The following RSL1D1 variants were observed in gnomAD, a reference collection of about 807,000 sequenced individuals.
RSL1D1 encodes ribosomal L1 domain containing 1, also known as ribosomal L1 domain-containing protein 1.
A neutral mutation model predicts 44.6 loss-of-function variants in RSL1D1; 34 were observed. The observed-to-expected ratio is 0.76, with a 90% CI of 0.58 to 1.02. RSL1D1 has a LOEUF of 1.02. Ranked by LOEUF, RSL1D1 falls within the 50% of genes least tolerant of loss-of-function variation. RSL1D1 has a pLI of 0.00. For missense variants in RSL1D1, 767 were observed against 568.1 expected (o/e 1.35, Z -3.56); for synonymous variants, 271 against 207.4 (o/e 1.31, Z -2.63).
intron 5 of RSL1D1, among the ~76,000 whole-genome samples, chr16:11,845,497 T>C (rs534269385): frequency 2.0e-5 from 3 of 152,306 alleles, no homozygotes; most frequent in African/African-American, 7.2e-5. Flanking sequence ...TCTCCTTGCT[T>C]TTCTTAGTAT....
chr16:11,843,095 G>C (rs1387355023), intron 5 of RSL1D1, among the ~76,000 whole-genome samples: 1 of 139,952 alleles, frequency 7.1e-6, no homozygotes, highest in African/African-American at 2.7e-5. Flanking sequence ...CTAATTTTTT[G>C]TATTTTTTTT....
Position 11,850,374 on chromosome 16 carries a change from C to T in RSL1D1, c.150G>A (p.Arg50=). The T allele has an allele frequency of 6.2e-7, 1 of 1,601,054 alleles. No homozygotes were observed. ...VDALLTHCKS[R]KNNYGLLLNE... is the part of the protein sequence containing the mutation. ...TCAAAAGCAACCCATAATTGTTTTT[C>T]CTGGACTTGCAATGCGTCAAGAGAG... is the stretch of plus-strand genomic sequence containing the variant. Residue 50 remains arginine (R), a synonymous_variant, in exon 2 of 9, where the codon AGG becomes AGA. Coordinates refer to ENST00000571133, the MANE Select transcript of RSL1D1 (RefSeq NM_015659.3).
intron 5 of RSL1D1, among the ~76,000 whole-genome samples, chr16:11,845,421 C>A (rs993948936): frequency 6.6e-6 from 1 of 152,202 alleles, no homozygotes; most frequent in Non-Finnish European, 1.5e-5. Context: ...CCACTGAGTG[C>A]AGTGGCACGA....
chr16:11,851,358 G>T, intron 1 of RSL1D1, 50 bp downstream of exon 1: 1 of 1,555,690 alleles, frequency 6.4e-7, no homozygotes. Context: ...TGCGCCTCAC[G>T]AGGTAACCGC....
chr16:11,839,863 A>G lies in RSL1D1; in HGVS notation c.978T>C (p.Gly326=). The G allele has an allele frequency of 4.3e-6, 7 of 1,614,068 alleles. No homozygotes were observed. Among genetic ancestry groups the G allele is most frequent in the Non-Finnish European group, 5.9e-6 (7 of 1,180,012 alleles). The change falls in exon 8 of 9, where the codon GGT becomes GGC. Residue 326 remains glycine, a synonymous_variant. Transcript: ENST00000571133. ...LSKDDVAPES[G]DTTVKKPESK... Reference sequence around the variant, plus strand: ...ATTCAGGTTTCTTCACTGTAGTATCACCACTTTCAGGTGCCACATCATCTT... The same window carrying G: ...ATTCAGGTTTCTTCACTGTAGTATCGCCACTTTCAGGTGCCACATCATCTT...
chr16:11,851,191 T>C, intron 1 of RSL1D1: 1 of 613,328 alleles, frequency 1.6e-6, no homozygotes, highest in African/African-American at 1.8e-5. Flanking sequence ...ACAGCACACT[T>C]GCAACCCAAT....
intron 7 of RSL1D1, 80 bp downstream of exon 7, chr16:11,841,615 G>A (rs981209087): frequency 7.5e-6 from 10 of 1,335,598 alleles, no homozygotes; most frequent in South Asian, 1.3e-5. Flanking sequence ...GTCGGGCAGC[G>A]ATGATGGTCT....
At position 11,847,693 on chromosome 16, in the gene RSL1D1, T is replaced by C. The variant is rs549380785; in HGVS notation, c.359A>G (p.Lys120Arg). 16 of 1,612,296 alleles carry C rather than the reference T, an allele frequency of 9.9e-6. No individual in the cohort carries two copies. The South Asian group carries it at 1.3e-4, about 13-fold the overall frequency. ...CTGAGAAACGGTTTTAATTCCATGC[T>C]TGTTTAAAAGCTTTCTATAAAACTG... Reference protein sequence around the residue: ...TEQFYRKLLNKHGIKTVSQII... With the variant: ...TEQFYRKLLNRHGIKTVSQII... Residue 120 changes from lysine (K) to arginine (R), a missense_variant, in exon 3 of 9, where the codon AAG becomes AGG. Lys to Arg is a conservative substitution (Grantham distance 26). Transcript: ENST00000571133.
rs1684674726 is a variant in RSL1D1 at position 11,836,394 on chromosome 16, T to C, written c.*1393A>G. Reference sequence around the variant, plus strand: ...TTATCTTTGAAAGCAGTTGAGTCTTTGGCATGCAAGAACATTCCTGCACTG... The same window carrying C: ...TTATCTTTGAAAGCAGTTGAGTCTTCGGCATGCAAGAACATTCCTGCACTG... On this transcript the variant is annotated 3_prime_UTR_variant, in exon 9 of 9. Transcript: ENST00000571133. The C allele has an allele frequency of 6.6e-6, 1 of 152,244 alleles. No homozygotes were observed. Among genetic ancestry groups the C allele is most frequent in the African/African-American group, 2.4e-5 (1 of 41,466 alleles). The allele number at this position is 152,244 out of a possible 1,614,324, so 9.4% of individuals were successfully genotyped here. A position where few individuals can be genotyped will look rare whatever the true frequency, so the allele number is the denominator to read the frequency against.
Position 11,839,894 on chromosome 16 carries a change from A to G in RSL1D1, c.947T>C (p.Leu316Pro). The change falls in exon 8 of 9, where the codon CTT becomes CCT. Residue 316 changes from leucine (L) to proline (P), a missense_variant. Leu to Pro is a moderately conservative substitution (Grantham distance 98, BLOSUM62 -3). Transcript: ENST00000571133. ...RQQARKTASV[L>P]SKDDVAPESG... ...TTCAGGTGCCACATCATCTTTACTA[A>G]GAACTGATGCAGTCTTCCTAGCCTG... The G allele has an allele frequency of 6.2e-7, 1 of 1,614,096 alleles. No homozygotes were observed. Among genetic ancestry groups the G allele is most frequent in the South Asian group, 1.1e-5 (1 of 91,080 alleles).
At position 11,847,692 on chromosome 16, in the gene RSL1D1, C is replaced by G; in HGVS notation, c.360G>C (p.Lys120Asn). The change falls in exon 3 of 9, where the codon AAG (lysine) becomes AAC (asparagine). Residue 120 changes from lysine (K) to asparagine (N), a missense_variant. Transcript: ENST00000571133. ...CCTGAGAAACGGTTTTAATTCCATG[C>G]TTGTTTAAAAGCTTTCTATAAAACT... Reference protein sequence around the residue: ...TEQFYRKLLNKHGIKTVSQII... With the variant: ...TEQFYRKLLNNHGIKTVSQII... 1.2e-6 allele frequency: 2 copies of G among 1,611,870 alleles called. No homozygotes were observed. Among genetic ancestry groups the G allele is most frequent in the Non-Finnish European group, 1.7e-6 (2 of 1,179,238 alleles).
chr16:11,846,904 A>C (rs1266952286), intron 3 of RSL1D1, 61 bp from the exon 4 acceptor site: 4 of 1,425,134 alleles, frequency 2.8e-6, no homozygotes, highest in Non-Finnish European at 3.9e-6. Context: ...GAGAAGAAAT[A>C]CTTAGGCAAC....
At position 11,850,429 on chromosome 16, in the gene RSL1D1, GAAATTAGAC is replaced by G; in HGVS notation, c.106-20_106-12del. ...CACTGCCTTTCTAACCTGCAAAGTG[GAAATTAGAC>G]AAATAAGTGAAATGTTTTCACAATA... On this transcript the variant is annotated splice_polypyrimidine_tract_variant and intron_variant, in intron 1 of 8. Coordinates refer to ENST00000571133, the MANE Select transcript of RSL1D1 (RefSeq NM_015659.3). 2 of 1,586,226 alleles carry G rather than the reference GAAATTAGAC, an allele frequency of 1.3e-6. No homozygotes were observed. Among genetic ancestry groups the G allele is most frequent in the Non-Finnish European group, 1.7e-6 (2 of 1,172,812 alleles).
Position 11,850,427 on chromosome 16 carries a change from T to C in RSL1D1, c.106-9A>G. On this transcript the variant is annotated splice_polypyrimidine_tract_variant and intron_variant, in intron 1 of 8. Transcript: ENST00000571133. ...TCCACTGCCTTTCTAACCTGCAAAG[T>C]GGAAATTAGACAAATAAGTGAAATG... 1 of 1,588,316 alleles carries C rather than the reference T, an allele frequency of 6.3e-7. No individual in the cohort carries two copies. The highest frequency in any genetic ancestry group is 8.5e-7 in the Non-Finnish European group (1 of 1,173,606).
At chr16:11,850,458 A>C in intron 1 of RSL1D1, 40 bp from the exon 2 acceptor site, 1 of 1,569,166 alleles carries the variant, frequency 6.4e-7, no homozygotes, top group Non-Finnish European at 8.6e-7. Context: ...AAATGTTTTC[A>C]CAATAACTTA....
Position 11,837,721 on chromosome 16 carries a change from G to A in RSL1D1, c.*66C>T. On this transcript the variant is annotated 3_prime_UTR_variant, in exon 9 of 9. Transcript: ENST00000571133. ...TAGAGAAGGTTACAAAGGCGGCCAG[G>A]ATCTGAGTATTTCCAAAAAGCTCTG... 1.4e-6 allele frequency: 2 copies of A among 1,388,332 alleles called. No individual in the cohort carries two copies. Among genetic ancestry groups the A allele is most frequent in the Non-Finnish European group, 2.0e-6 (2 of 1,010,000 alleles). The allele number at this position is 1,388,332 out of a possible 1,614,324, so 86.0% of individuals were successfully genotyped here.
At chr16:11,845,420 G>C (rs965024779) in intron 5 of RSL1D1, among the ~76,000 whole-genome samples, 2 of 152,186 alleles carry the variant, frequency 1.3e-5, no homozygotes, top group Non-Finnish European at 2.9e-5. Context: ...ACCACTGAGT[G>C]CAGTGGCACG....
At position 11,847,806 on chromosome 16, in the gene RSL1D1, C is replaced by A; in HGVS notation, c.246G>T (p.Leu82Phe). 1 of 1,612,186 alleles carries A rather than the reference C, an allele frequency of 6.2e-7. No homozygotes were observed. The highest frequency in any genetic ancestry group is 1.3e-5 in the African/African-American group (1 of 74,950). ...KIPSKELRVR[L>F]TLPHSIRSDS... ...CTGATCGAATACTATGAGGCAAGGT[C>A]CTACAAAATACGTGAAAAGAAACCG... The change falls in exon 3 of 9, where the codon TTG (leucine) becomes TTT (phenylalanine). Residue 82 changes from leucine (L) to phenylalanine (F), a missense_variant and splice_region_variant. Coordinates refer to ENST00000571133, the MANE Select transcript of RSL1D1 (RefSeq NM_015659.3).
intron 7 of RSL1D1, among the ~76,000 whole-genome samples, chr16:11,840,732 G>GT (rs1567418358): frequency 5.3e-5 from 8 of 152,190 alleles, no homozygotes. Context: ...AGCTCAGGAG[G>GT]TATCTGTGAG....
Sources: allele counts gnomAD v4.1 joint callset (sites outside exome capture counted in the v4.1 genomes callset), GRCh38; gene constraint gnomAD v4.1.1; transcripts MANE v1.5; gene names NCBI Gene and HGNC (gene_info 2026-07-23, HGNC 2026-07-21).